Variants in VPS13A observed in about 807,000 individuals in gnomAD.
The protein encoded by VPS13A is intermembrane lipid transfer protein VPS13A.
A neutral mutation model predicts 390.9 loss-of-function variants in VPS13A; 264 were observed. That is an observed-to-expected ratio of 0.68 (90% CI 0.61 to 0.75). The LOEUF (loss-of-function observed/expected upper bound fraction) is 0.75, where lower values mean the gene tolerates loss of function less well. Ranked by LOEUF, VPS13A falls within the 30% of genes least tolerant of loss-of-function variation. The pLI, the probability that VPS13A is intolerant of heterozygous loss-of-function variation, is 0.00. For synonymous variants in VPS13A, 1,231 were observed against 1,227.1 expected (o/e 1.00, Z -0.07); for missense variants, 3,409 against 3,733.9 (o/e 0.91, Z 2.27).
At chr9:77,234,968 T>G (rs752811037) in intron 17 of VPS13A, among the ~76,000 whole-genome samples, 5 of 152,198 alleles carry the variant, frequency 3.3e-5, no homozygotes, top group Non-Finnish European at 5.9e-5. Flanking sequence ...CATCTTTACG[T>G]TATCATTTTC....
chr9:77,310,625 C>G (rs958280945), intron 35 of VPS13A, among the ~76,000 whole-genome samples: 1 of 152,048 alleles, frequency 6.6e-6, no homozygotes, highest in African/African-American at 2.4e-5. Flanking sequence ...TTGAAAAATA[C>G]TACATGGTCA....
intron 1 of VPS13A, among the ~76,000 whole-genome samples, chr9:77,179,859 C>G (rs1036802363): frequency 5.3e-5 from 8 of 152,074 alleles, no homozygotes; most frequent in Non-Finnish European, 1.2e-4. Context: ...GGAGTGACTC[C>G]CAATTTCCTC....
intron 52 of VPS13A, among the ~76,000 whole-genome samples, chr9:77,346,040 G>A (rs1831132510): frequency 6.6e-6 from 1 of 152,090 alleles, no homozygotes; most frequent in African/African-American, 2.4e-5. Context: ...ACCCAGTACT[G>A]GGATTGCTGG....
chr9:77,395,775 G>T (rs1007079624), intron 68 of VPS13A: 1 of 151,846 alleles, frequency 6.6e-6, no homozygotes, highest in African/African-American at 2.4e-5. Context: ...GTCCTCTTTG[G>T]CAAGACAAAA....
At position 77,353,507 on chromosome 9, in the gene VPS13A, G is replaced by A. The variant is rs1448526329; in HGVS notation, c.7518G>A (p.Arg2506=). 1 of 1,612,968 alleles carries A rather than the reference G, an allele frequency of 6.2e-7. No individual in the cohort carries two copies. The highest frequency in any genetic ancestry group is 8.5e-7 in the Non-Finnish European group (1 of 1,179,468). ...QRIILFTEDP[R]VFKVTYESEK... is the part of the protein sequence containing the mutation. ...TTATTTTATTCACTGAAGATCCAAG[G>A]GTATTTAAAGTAACATATGAAAGTG... The change falls in exon 54 of 72, where the codon AGG becomes AGA. Residue 2506 remains arginine (R), a synonymous_variant. Transcript: ENST00000360280.
chr9:77,357,594 A>G, intron 55 of VPS13A, 98 bp from the exon 56 acceptor site: 1 of 1,212,674 alleles, frequency 8.2e-7, no homozygotes, highest in South Asian at 1.4e-5. Context: ...TAATACAAAT[A>G]TGTAGCTTAC....
Position 77,253,655 on chromosome 9 carries a change from A to G in VPS13A, c.2288+1303A>G, listed in dbSNP as rs79573232. On this transcript the variant is annotated intron_variant, in intron 22 of 71. Coordinates refer to ENST00000360280, the MANE Select transcript of VPS13A (RefSeq NM_033305.3). ...TTTGGATATTAACTCTTTATCAGAT[A>G]TATGATTTGCAAATATTTTTTCTCA... Among the ~76,000 whole-genome samples the G allele has an allele frequency of 8.5e-3, 1,295 of 152,258 alleles. 10 individuals are homozygous for G. Among genetic ancestry groups the G allele is most frequent in the South Asian group, 0.014 (66 of 4,822 alleles).
chr9:77,210,485 C>A, intron 6 of VPS13A, 131 bp from the exon 7 acceptor site: 1 of 814,242 alleles, frequency 1.2e-6, no homozygotes, highest in Non-Finnish European at 2.0e-6. Flanking sequence ...CTCAAGCAGT[C>A]CTCCTGCCTT....
chr9:77,361,775 AG>A (rs1832151944), intron 59 of VPS13A, among the ~76,000 whole-genome samples: 1 of 152,104 alleles, frequency 6.6e-6, no homozygotes, highest in South Asian at 2.1e-4. Context: ...AGAGCATATG[AG>A]GGCTCTGATT....
At chr9:77,190,695 A>G (rs1824624824) in intron 1 of VPS13A, among the ~76,000 whole-genome samples, 1 of 152,178 alleles carries the variant, frequency 6.6e-6, no homozygotes, top group Non-Finnish European at 1.5e-5. Flanking sequence ...TTTGGTTATG[A>G]ATCCATCTGG....
At position 77,213,230 on chromosome 9, in the gene VPS13A, T is replaced by C. The variant is rs1168753864; in HGVS notation, c.616-4T>C. 46 of 1,612,664 alleles carry C rather than the reference T, an allele frequency of 2.9e-5. No homozygotes were observed. The highest frequency in any genetic ancestry group is 3.8e-5 in the Non-Finnish European group (45 of 1,179,150). On this transcript the variant is annotated splice_polypyrimidine_tract_variant and splice_region_variant and intron_variant, in intron 8 of 71. Transcript: ENST00000360280. ...ATGAGACATCTAATAAATTTTATTT[T>C]CAGTTAATCCGATTGGATAACCTGT... is the stretch of plus-strand genomic sequence containing the variant.
At chr9:77,390,276 T>C (rs1833849893) in intron 68 of VPS13A, 5 of 214,550 alleles carry the variant, frequency 2.3e-5, no homozygotes, top group Non-Finnish European at 4.0e-5. Context: ...CCAGGCAAAT[T>C]AGAATTCTTA....
In VPS13A at chr9:77,416,274, TG is replaced by T. The variant is rs1428783235; in HGVS notation, c.*269del. ...CATCTATTTATAATTCTAATTATTTTGTAAAAGAAGACAAAATTATGAATCT... is the reference window on the plus strand; with the variant it reads ...CATCTATTTATAATTCTAATTATTTTTAAAAGAAGACAAAATTATGAATCT... On this transcript the variant is annotated 3_prime_UTR_variant, in exon 72 of 72. Coordinates refer to ENST00000360280, the MANE Select transcript of VPS13A (RefSeq NM_033305.3). 5.4e-6 allele frequency: 2 copies of T among 372,702 alleles called. No homozygotes were observed. The highest frequency in any genetic ancestry group is 4.2e-5 in the African/African-American group (2 of 48,034). 23.1% of individuals were successfully genotyped at this position (372,702 alleles called of 1,614,324 possible). A position where few individuals can be genotyped will look rare whatever the true frequency, so the allele number is the denominator to read the frequency against.
intron 17 of VPS13A, among the ~76,000 whole-genome samples, chr9:77,237,211 TTC>T (rs1824201655): frequency 6.6e-6 from 1 of 152,148 alleles, no homozygotes; most frequent in African/African-American, 2.4e-5. Flanking sequence ...ATAAAAGTTT[TTC>T]TGTTTGCTGT....
chr9:77,341,729 T>G (rs1226266396), intron 50 of VPS13A, among the ~76,000 whole-genome samples: 2 of 141,958 alleles, frequency 1.4e-5, no homozygotes, highest in African/African-American at 5.1e-5. Flanking sequence ...TTGCTTTTGC[T>G]GTGTCTGAAC....
intron 27 of VPS13A, among the ~76,000 whole-genome samples, chr9:77,280,485 T>A (rs1430449010): frequency 1.3e-5 from 2 of 152,122 alleles, no homozygotes; most frequent in Non-Finnish European, 2.9e-5. Context: ...ATTTTTTTTT[T>A]CTCCCAACAG....
chr9:77,269,883 G>A (rs1445775459), intron 23 of VPS13A, among the ~76,000 whole-genome samples: 1 of 152,160 alleles, frequency 6.6e-6, no homozygotes, highest in Non-Finnish European at 1.5e-5. Context: ...TAGGGTGGGC[G>A]CTAATCCAGT....
chr9:77,351,548 G>A, intron 53 of VPS13A, 102 bp downstream of exon 53: 1 of 1,408,084 alleles, frequency 7.1e-7, no homozygotes, highest in Non-Finnish European at 9.9e-7. Context: ...CTTTTGGGAG[G>A]CTGAGGTGGG....
intron 31 of VPS13A, among the ~76,000 whole-genome samples, chr9:77,284,513 G>A (rs1042391600): frequency 6.6e-6 from 1 of 152,250 alleles, no homozygotes; most frequent in African/African-American, 2.4e-5. Flanking sequence ...TCCAGAAGCC[G>A]TGGTTTTATT....
Sources: gnomAD v4.1 joint callset for allele counts (sites outside exome capture counted in the v4.1 genomes callset) on GRCh38, gnomAD v4.1.1 for gene constraint, MANE v1.5 for transcripts, NCBI Gene and HGNC (gene_info 2026-07-23, HGNC 2026-07-21) for gene names.